The following SULT4A1 variants were observed in gnomAD, a reference collection of about 807,000 sequenced individuals.
SULT4A1 encodes sulfotransferase 4A1.
Under a neutral mutation model 35.2 loss-of-function variants are expected in SULT4A1, and 11 were observed. That is an observed-to-expected ratio of 0.31 (90% confidence interval 0.20 to 0.52). The LOEUF is 0.52. Among genes scored for constraint, SULT4A1 ranks in the 20% least tolerant of loss-of-function variants. The pLI, the probability that SULT4A1 is intolerant of heterozygous loss-of-function variation, is 0.97. For missense variants in SULT4A1, 271 were observed against 383.7 expected (o/e 0.71, Z 2.45); for synonymous variants, 152 against 151.8 (o/e 1.00, Z -0.01).
intron 1 of SULT4A1, among the ~76,000 whole-genome samples, chr22:43,852,638 G>A (rs993988626): frequency 1.3e-5 from 2 of 152,122 alleles, no homozygotes; most frequent in Non-Finnish European, 2.9e-5. Flanking sequence ...TCTGTTAAAC[G>A]CCTGCTGCGG....
intron 5 of SULT4A1, 84 bp downstream of exon 5, chr22:43,833,556 G>A (rs1014064033): frequency 1.3e-4 from 93 of 724,708 alleles, no homozygotes; most frequent in African/African-American, 1.2e-4. Context: ...CCTCCCACAC[G>A]CCCACTGTAA....
At chr22:43,828,951 G>T in intron 6 of SULT4A1, 109 bp downstream of exon 6, 14 of 1,250,432 alleles carry the variant, frequency 1.1e-5, no homozygotes, top group Non-Finnish European at 1.5e-5. Flanking sequence ...TGCTGTAAAA[G>T]GAGAGCAGGG....
intron 1 of SULT4A1, among the ~76,000 whole-genome samples, chr22:43,858,344 G>A (rs1177641594): frequency 6.6e-6 from 1 of 152,178 alleles, no homozygotes; most frequent in Non-Finnish European, 1.5e-5. Context: ...TCATTCTGCA[G>A]GCTTTTGCCT....
intron 6 of SULT4A1, chr22:43,827,755 CCACACACACACA>C (rs3223292): frequency 1.5e-5 from 5 of 326,794 alleles, no homozygotes; most frequent in South Asian, 1.1e-4. Flanking sequence ...CGCTGCTTCA[CCACACACACACA>C]CACACACACA....
chr22:43,827,684 G>T (rs1390160092), intron 6 of SULT4A1: 1 of 1,357,222 alleles, frequency 7.4e-7, no homozygotes. Flanking sequence ...GCAAAACCAA[G>T]GTAAACCATG....
chr22:43,839,044 G>A, intron 3 of SULT4A1, 51 bp from the exon 4 acceptor site: 10 of 1,604,202 alleles, frequency 6.2e-6, no homozygotes, highest in Non-Finnish European at 8.5e-6. Context: ...CTCCCAGGCA[G>A]GGCTGCCCCG....
At chr22:43,844,180 T>C (rs2063456741) in intron 1 of SULT4A1, among the ~76,000 whole-genome samples, 1 of 152,136 alleles carries the variant, frequency 6.6e-6, no homozygotes, top group South Asian at 2.1e-4. Flanking sequence ...CTCCAACTGA[T>C]ACGCACATGT....
At chr22:43,839,865 C>T in intron 3 of SULT4A1, 80 bp downstream of exon 3, 1 of 1,348,760 alleles carries the variant, frequency 7.4e-7, no homozygotes, top group Non-Finnish European at 1.0e-6. Flanking sequence ...GTGCCAGGGA[C>T]CTGCATGTGT....
At chr22:43,834,358 G>A (rs1286224381) in intron 4 of SULT4A1, among the ~76,000 whole-genome samples, 4 of 93,326 alleles carry the variant, frequency 4.3e-5, no homozygotes, top group African/African-American at 8.8e-5. Flanking sequence ...AGCTTCCCGC[G>A]CCCCCACCGC....
intron 3 of SULT4A1, 134 bp from the exon 4 acceptor site, chr22:43,839,127 C>T: frequency 8.4e-7 from 1 of 1,196,696 alleles, no homozygotes; most frequent in Non-Finnish European, 1.2e-6. Context: ...CCAGCTGGGG[C>T]CCATGTGCAC....
chr22:43,853,256 G>A (rs1320024444), intron 1 of SULT4A1, among the ~76,000 whole-genome samples: 1 of 152,132 alleles, frequency 6.6e-6, no homozygotes, highest in East Asian at 1.9e-4. Context: ...ACAGGGCCAC[G>A]TCCCATGTGT....
chr22:43,855,890 C>T (rs1040846334), intron 1 of SULT4A1, among the ~76,000 whole-genome samples: 1 of 152,218 alleles, frequency 6.6e-6, no homozygotes, highest in Non-Finnish European at 1.5e-5. Context: ...GAGGCAAGCA[C>T]CAGCTCACTT....
chr22:43,862,427 CCGCACG>C lies in SULT4A1; in HGVS notation c.-51_-46del, dbSNP rs1556468594. ...CCGCCGCCGCCTCCCGGCTCGCAGC[CCGCACG>C]CGCCCGCGCCCGCGCCCGCGCCCGC... On this transcript the variant is annotated 5_prime_UTR_variant, in exon 1 of 7. Coordinates refer to ENST00000330884, the MANE Select transcript of SULT4A1 (RefSeq NM_014351.4). 5.4e-6 allele frequency: 5 copies of C among 934,182 alleles called. No homozygotes were observed. The highest frequency in any genetic ancestry group is 1.0e-4 in the Admixed American group (1 of 9,982). The allele number at this position is 934,182 out of a possible 1,614,324, so 57.9% of individuals were successfully genotyped here. A position where few individuals can be genotyped will look rare whatever the true frequency, so the allele number is the denominator to read the frequency against.
Position 43,825,864 on chromosome 22 carries a change from A to C in SULT4A1, c.*137T>G. Reference sequence around the variant, plus strand: ...GGGAATCATCACACTCCCTCCGCTCACGCCGCTCTTCCCTTCCCCCGCTGT... The same window carrying C: ...GGGAATCATCACACTCCCTCCGCTCCCGCCGCTCTTCCCTTCCCCCGCTGT... On this transcript the variant is annotated 3_prime_UTR_variant, in exon 7 of 7. Coordinates refer to ENST00000330884, the MANE Select transcript of SULT4A1 (RefSeq NM_014351.4). 2.4e-6 allele frequency: 2 copies of C among 830,798 alleles called. No individual in the cohort carries two copies. Among genetic ancestry groups the C allele is most frequent in the South Asian group, 3.5e-5 (2 of 57,500 alleles). 51.5% of individuals were successfully genotyped at this position (830,798 alleles called of 1,614,324 possible).
At chr22:43,837,806 C>T (rs1202250853) in intron 4 of SULT4A1, among the ~76,000 whole-genome samples, 2 of 152,202 alleles carry the variant, frequency 1.3e-5, no homozygotes, top group Admixed American at 6.5e-5. Context: ...CACTTAAACT[C>T]GAGGGCATTA....
At position 43,846,807 on chromosome 22, in the gene SULT4A1, G is replaced by A. The variant is rs111285051; in HGVS notation, c.170-4875C>T. The stretch of plus-strand genomic sequence containing the variant: ...CAGCTCAGGACAGCTGCAGTGAGGG[G>A]GTCTTTGTCCTTAGAAATCAGACTG... On this transcript the variant is annotated intron_variant, in intron 1 of 6. Transcript: ENST00000330884. Among the ~76,000 whole-genome samples, 3 of 152,310 alleles carry A rather than the reference G, an allele frequency of 2.0e-5. No homozygotes were observed. In the South Asian group the frequency reaches 6.2e-4, roughly 32 times the overall value.
intron 6 of SULT4A1, chr22:43,828,671 C>T (rs2063305082): frequency 5.4e-6 from 1 of 184,996 alleles, no homozygotes; most frequent in Admixed American, 6.2e-5. Flanking sequence ...CTGAGAAACC[C>T]ATCAGCATGC....
At chr22:43,856,565 A>G (rs1022880572) in intron 1 of SULT4A1, among the ~76,000 whole-genome samples, 2 of 152,246 alleles carry the variant, frequency 1.3e-5, no homozygotes, top group East Asian at 1.9e-4. Context: ...AAAGTAACAG[A>G]TAACAGCAGA....
Position 43,841,785 on chromosome 22 carries a change from C to T in SULT4A1, c.300+17G>A. 2 of 1,610,146 alleles carry T rather than the reference C, an allele frequency of 1.2e-6. No individual in the cohort carries two copies. The highest frequency in any genetic ancestry group is 1.7e-6 in the Non-Finnish European group (2 of 1,176,878). On this transcript the variant is annotated intron_variant, in intron 2 of 6. Transcript: ENST00000330884. Reference sequence around the variant, plus strand: ...CCCTAAAGAGGTGCTGGGACAGGTGCTGCTGGCCCTGGGTACCTTGATGAT... The same window carrying T: ...CCCTAAAGAGGTGCTGGGACAGGTGTTGCTGGCCCTGGGTACCTTGATGAT...
Sources: gnomAD v4.1 joint callset for allele counts (sites outside exome capture counted in the v4.1 genomes callset) on GRCh38, gnomAD v4.1.1 for gene constraint, MANE v1.5 for transcripts, NCBI Gene and HGNC (gene_info 2026-07-23, HGNC 2026-07-21) for gene names.